The following SPATS1 variants were observed in gnomAD, a reference collection of about 807,000 sequenced individuals.
SPATS1 encodes the protein spermatogenesis-associated serine-rich protein 1.
In SPATS1, 23 loss-of-function variants were observed where a neutral mutation model predicts 33.6. That is an observed-to-expected ratio of 0.68 (90% CI 0.49 to 0.97). The LOEUF is 0.97. Among genes scored for constraint, SPATS1 ranks in the 50% least tolerant of loss-of-function variants. SPATS1 has a pLI of 0.00. For missense variants in SPATS1, 327 were observed against 361.0 expected (o/e 0.91, Z 0.76); for synonymous variants, 131 against 125.6 (o/e 1.04, Z -0.29).
intron 3 of SPATS1, 33 bp from the exon 4 acceptor site, chr6:44,360,413 G>A (rs749267646): frequency 6.2e-7 from 1 of 1,613,492 alleles, no homozygotes; most frequent in South Asian, 1.1e-5. Flanking sequence ...ACCAGTTTAA[G>A]CACGTGGAAG....
At chr6:44,360,256 CTGAAT>C (rs1404272158) in intron 3 of SPATS1, among the ~76,000 whole-genome samples, 185 bp from the exon 4 acceptor site, 1 of 152,222 alleles carries the variant, frequency 6.6e-6, no homozygotes, top group African/African-American at 2.4e-5. Flanking sequence ...GCGTGTGCCA[CTGAAT>C]ACCCATCTTT....
intron 2 of SPATS1, among the ~76,000 whole-genome samples, chr6:44,349,306 A>G (rs1309722422): frequency 6.6e-6 from 1 of 151,406 alleles, no homozygotes; most frequent in African/African-American, 2.4e-5. Context: ...AAAAAAAAAA[A>G]AAAAAAGAAA....
At chr6:44,365,778 A>G (rs1199119213) in intron 5 of SPATS1, among the ~76,000 whole-genome samples, 1 of 152,154 alleles carries the variant, frequency 6.6e-6, no homozygotes, top group Non-Finnish European at 1.5e-5. Flanking sequence ...CTCTAAATGT[A>G]TGTTTCCCAT....
intron 7 of SPATS1, among the ~76,000 whole-genome samples, chr6:44,370,979 G>GTTTTTTTTTTTTTTTTTTT (rs532344535): frequency 7.1e-6 from 1 of 141,692 alleles, no homozygotes; most frequent in African/African-American, 2.6e-5. Flanking sequence ...AAAAAGAAAG[G>GTTTTTTTTTTTTTTTTTTT]TTTTTTTTTT....
chr6:44,377,081 A>AAACATGTG lies in SPATS1; in HGVS notation c.*19_*26dup. 2.5e-6 allele frequency: 4 copies of AAACATGTG among 1,614,208 alleles called. No homozygotes were observed. The highest frequency in any genetic ancestry group is 3.4e-6 in the Non-Finnish European group (4 of 1,180,026). On this transcript the variant is annotated 3_prime_UTR_variant, in exon 9 of 9. Transcript: ENST00000674044. Reference sequence around the variant, plus strand: ...AATCCTGAGCATAAACAGGCCCACAAAACATGTGCTGACTGCACTCTGGCG... The same window carrying AAACATGTG: ...AATCCTGAGCATAAACAGGCCCACAAAACATGTGAACATGTGCTGACTGCACTCTGGCG...
chr6:44,377,584 G>A lies in SPATS1; in HGVS notation c.*521G>A, dbSNP rs1790029971. ...ATCATAAAATACAGACATGATGTGA[G>A]TGTCTTAGCCTGTTCAGGCTGCTAT... On this transcript the variant is annotated 3_prime_UTR_variant, in exon 9 of 9. Transcript: ENST00000674044. 2 of 166,224 alleles carry A rather than the reference G, an allele frequency of 1.2e-5. No homozygotes were observed. Among genetic ancestry groups the A allele is most frequent in the South Asian group, 1.5e-4 (1 of 6,518 alleles). The allele number at this position is 166,224 out of a possible 1,614,324, so 10.3% of individuals were successfully genotyped here.
At chr6:44,354,624 C>A (rs1288096710) in intron 3 of SPATS1, among the ~76,000 whole-genome samples, 3 of 152,134 alleles carry the variant, frequency 2.0e-5, no homozygotes, top group Non-Finnish European at 4.4e-5. Flanking sequence ...CCTGCCCCAA[C>A]ACATGTACAG....
Position 44,345,780 on chromosome 6 carries a change from A to T in SPATS1, c.139+2546A>T, listed in dbSNP as rs146291264. On this transcript the variant is annotated intron_variant, in intron 2 of 8. Coordinates refer to ENST00000674044, the MANE Select transcript of SPATS1 (RefSeq NM_001372081.1). The stretch of plus-strand genomic sequence containing the variant: ...CAAACATGCATTTCATGGCTTTTTC[A>T]TAGATACATTTCTAGATGTAGAACT... Among the ~76,000 whole-genome samples, 3 of 152,280 alleles carry T rather than the reference A, an allele frequency of 2.0e-5. No individual in the cohort carries two copies. In the East Asian group the frequency reaches 5.8e-4, roughly 29 times the overall value.
At position 44,356,916 on chromosome 6, in the gene SPATS1, A is replaced by G. The variant is rs145764394; in HGVS notation, c.288-3530A>G. ...CAAGAGTCAGGGATCACTGGCAGCCATGTCAGAGGCTGCCTGCTACACTCT... is the reference window on the plus strand; with the variant it reads ...CAAGAGTCAGGGATCACTGGCAGCCGTGTCAGAGGCTGCCTGCTACACTCT... On this transcript the variant is annotated intron_variant, in intron 3 of 8. Coordinates refer to ENST00000674044, the MANE Select transcript of SPATS1 (RefSeq NM_001372081.1). 9.1e-3 allele frequency among the ~76,000 whole-genome samples: 1,379 copies of G among 152,308 alleles called. 16 individuals are homozygous for G. Among genetic ancestry groups the G allele is most frequent in the African/African-American group, 0.031 (1,278 of 41,562 alleles).
At chr6:44,354,763 A>G (rs1440801381) in intron 3 of SPATS1, among the ~76,000 whole-genome samples, 1 of 152,146 alleles carries the variant, frequency 6.6e-6, no homozygotes, top group Non-Finnish European at 1.5e-5. Flanking sequence ...TGCACAGTCT[A>G]TGGGTTTGGA....
chr6:44,369,030 GGGACTAC>G (rs1208827958), intron 6 of SPATS1, among the ~76,000 whole-genome samples: 1 of 151,698 alleles, frequency 6.6e-6, no homozygotes, highest in Non-Finnish European at 1.5e-5. Flanking sequence ...CCGAGTAGCT[GGGACTAC>G]AGGTGCCCGC....
At chr6:44,350,291 G>A (rs963109302) in intron 2 of SPATS1, among the ~76,000 whole-genome samples, 3 of 152,220 alleles carry the variant, frequency 2.0e-5, no homozygotes, top group Non-Finnish European at 4.4e-5. Context: ...GAATCTGGAA[G>A]TGGAACTGGA....
Position 44,379,349 on chromosome 6 carries a change from G to C in SPATS1, c.*2286G>C, listed in dbSNP as rs1790098855. ...CTCACGCCTGTAATCCCAGCACTTT[G>C]GGAGGCCGAGGCAGGCGGATCACGA... On this transcript the variant is annotated 3_prime_UTR_variant, in exon 9 of 9. Transcript: ENST00000674044. Among the ~76,000 whole-genome samples, 1 of 151,994 alleles carries C rather than the reference G, an allele frequency of 6.6e-6. No individual in the cohort carries two copies.
At chr6:44,352,905 G>T (rs368374497) in intron 3 of SPATS1, 32 bp downstream of exon 3, 336 of 1,604,980 alleles carry the variant, frequency 2.1e-4, no homozygotes, top group Non-Finnish European at 2.7e-4. Flanking sequence ...AGCTGTCACG[G>T]TTGGGGAGAT....
intron 5 of SPATS1, among the ~76,000 whole-genome samples, chr6:44,366,757 G>A (rs931635454): frequency 6.6e-6 from 1 of 152,044 alleles, no homozygotes; most frequent in East Asian, 1.9e-4. Context: ...TTGGGATGAG[G>A]GGTATTAGTC....
intron 2 of SPATS1, among the ~76,000 whole-genome samples, chr6:44,346,444 G>T (rs1466001769): frequency 2.0e-5 from 3 of 152,138 alleles, no homozygotes; most frequent in Non-Finnish European, 4.4e-5. Flanking sequence ...GGAGTGCAGT[G>T]GTATGATCAG....
chr6:44,355,813 A>G (rs1311744685), intron 3 of SPATS1, among the ~76,000 whole-genome samples: 1 of 152,226 alleles, frequency 6.6e-6, no homozygotes, highest in Non-Finnish European at 1.5e-5. Context: ...ACAGGTGTAT[A>G]TCACTAGCAG....
intron 8 of SPATS1, 99 bp downstream of exon 8, chr6:44,376,572 C>A (rs780514210): frequency 7.9e-6 from 6 of 761,854 alleles, no homozygotes; most frequent in Non-Finnish European, 1.3e-5. Flanking sequence ...GAGGCCGAGG[C>A]GGGCAGATCA....
At chr6:44,373,148 G>C (rs1789727387) in intron 7 of SPATS1, among the ~76,000 whole-genome samples, 2 of 152,112 alleles carry the variant, frequency 1.3e-5, no homozygotes, top group African/African-American at 4.8e-5. Flanking sequence ...TTCTTCCCCA[G>C]AACTCTGCCC....
Sources: gnomAD v4.1 joint callset for allele counts (sites outside exome capture counted in the v4.1 genomes callset) on GRCh38, gnomAD v4.1.1 for gene constraint, MANE v1.5 for transcripts, NCBI Gene and HGNC (gene_info 2026-07-23, HGNC 2026-07-21) for gene names.